The following ADAM19 variants were observed in gnomAD, a reference collection of about 807,000 sequenced individuals.
The protein encoded by ADAM19 is ADAM metallopeptidase domain 19, also known as disintegrin and metalloproteinase domain-containing protein 19.
ADAM19 carries 65 observed loss-of-function variants against 114.7 expected under a neutral mutation model. That is an observed-to-expected ratio of 0.57 (90% CI 0.46 to 0.70). The LOEUF (loss-of-function observed/expected upper bound fraction) is 0.70. Among genes scored for constraint, ADAM19 ranks in the 30% least tolerant of loss-of-function variants. The pLI, the probability that ADAM19 is intolerant of heterozygous loss-of-function variation, is 0.00. For missense variants in ADAM19, 1,063 were observed against 1,204.7 expected (o/e 0.88, Z 1.74); for synonymous variants, 466 against 460.5 (o/e 1.01, Z -0.15).
Position 157,563,441 on chromosome 5 carries a change from G to C in ADAM19, c.251+932C>G, listed in dbSNP as rs142103443. On this transcript the variant is annotated intron_variant, in intron 3 of 22. Transcript: ENST00000257527. ...TCTCCCTTTCCACCCAAGCCTAAAA[G>C]CTATTCCCATCCTTTTGTATACAGG... Among the ~76,000 whole-genome samples, 3 of 152,276 alleles carry C rather than the reference G, an allele frequency of 2.0e-5. No individual in the cohort carries two copies. In the East Asian group the frequency reaches 5.8e-4, roughly 29 times the overall value.
At chr5:157,499,808 G>A (rs1178358830) in intron 12 of ADAM19, 146 bp from the exon 13 acceptor site, 7 of 593,028 alleles carry the variant, frequency 1.2e-5, no homozygotes, top group African/African-American at 4.3e-5. Context: ...AGGGAGTCTC[G>A]ATCTGTCACC....
At chr5:157,514,914 T>C (rs1310804441) in intron 7 of ADAM19, among the ~76,000 whole-genome samples, 1 of 152,230 alleles carries the variant, frequency 6.6e-6, no homozygotes, top group African/African-American at 2.4e-5. Context: ...GTACCCACTA[T>C]ACATGTTATT....
chr5:157,546,754 T>C (rs1422564539), intron 3 of ADAM19, among the ~76,000 whole-genome samples: 2 of 152,176 alleles, frequency 1.3e-5, no homozygotes, highest in Non-Finnish European at 2.9e-5. Context: ...CTGCCAGTTT[T>C]CTGCAAGGAG....
At chr5:157,523,495 T>C (rs939066037) in intron 5 of ADAM19, among the ~76,000 whole-genome samples, 1 of 151,704 alleles carries the variant, frequency 6.6e-6, no homozygotes, top group African/African-American at 2.4e-5. Flanking sequence ...CCCATGAGAG[T>C]TTCCTCAAGA....
At chr5:157,505,923 G>A (rs1755728325) in intron 10 of ADAM19, 115 bp from the exon 11 acceptor site, 8 of 1,202,156 alleles carry the variant, frequency 6.7e-6, no homozygotes, top group Non-Finnish European at 9.3e-6. Flanking sequence ...CACTGTCACT[G>A]AGCATACAGA....
intron 3 of ADAM19, among the ~76,000 whole-genome samples, chr5:157,561,517 A>G (rs1396120368): frequency 6.6e-6 from 1 of 152,186 alleles, no homozygotes; most frequent in Non-Finnish European, 1.5e-5. Context: ...AGACCTGAGA[A>G]TCCAGTGTAT....
intron 21 of ADAM19, among the ~76,000 whole-genome samples, chr5:157,486,236 G>A (rs549920678): frequency 6.6e-6 from 1 of 152,276 alleles, no homozygotes; most frequent in East Asian, 1.9e-4. Flanking sequence ...ATCCTATGAG[G>A]CCTGGCAACC....
chr5:157,562,267 G>A (rs1757529656), intron 3 of ADAM19, among the ~76,000 whole-genome samples: 1 of 152,186 alleles, frequency 6.6e-6, no homozygotes, highest in Non-Finnish European at 1.5e-5. Flanking sequence ...ATATTGCTTG[G>A]CTCTGCTGCT....
chr5:157,481,728 A>G, intron 22 of ADAM19, 63 bp downstream of exon 22: 1 of 1,552,016 alleles, frequency 6.4e-7, no homozygotes. Flanking sequence ...TCTCAACTCT[A>G]CACCTGCCCC....
rs1435172822 is a variant in ADAM19, at chr5:157,502,663, T to G, written c.1308+140A>C. ...TCCAACTGGAAGGCTTCTTCATATC[T>G]GATTTTTCATGGGGTATTGGACAGT... On this transcript the variant is annotated intron_variant, in intron 12 of 22. Coordinates refer to ENST00000257527, the MANE Select transcript of ADAM19 (RefSeq NM_033274.5). 2.2e-5 allele frequency: 20 copies of G among 920,746 alleles called. No homozygotes were observed. The South Asian group carries it at 3.0e-4, about 14-fold the overall frequency. The allele number at this position is 920,746 out of a possible 1,614,324, so 57.0% of individuals were successfully genotyped here.
intron 4 of ADAM19, among the ~76,000 whole-genome samples, 191 bp from the exon 5 acceptor site, chr5:157,531,074 C>T (rs1237935565): frequency 6.6e-6 from 1 of 152,164 alleles, no homozygotes; most frequent in African/African-American, 2.4e-5. Flanking sequence ...GGAGACGGGG[C>T]AGGGAAGATG....
chr5:157,497,001 G>A lies in ADAM19; in HGVS notation c.1487C>T (p.Thr496Ile). The stretch of plus-strand genomic sequence containing the variant: ...GGTACCATCCATCTGGTAGAAGTTG[G>A]TAGGGCAGTGGGGAGACTTGCCCGT... ...FCTGKSPHCPTNFYQMDGTPC... is the reference protein window; with the variant it reads ...FCTGKSPHCPINFYQMDGTPC... Residue 496 changes from threonine to isoleucine, a missense_variant, in exon 14 of 23, where the codon ACC becomes ATC. This residue lies in a region of ADAM19 where 615 missense variants were observed against 706.3 expected (regional missense o/e 0.87). Transcript: ENST00000257527. 3 of 1,597,772 alleles carry A rather than the reference G, an allele frequency of 1.9e-6. No individual in the cohort carries two copies. Among genetic ancestry groups the A allele is most frequent in the Non-Finnish European group, 2.6e-6 (3 of 1,173,096 alleles).
At chr5:157,549,808 A>T (rs1384902939) in intron 3 of ADAM19, among the ~76,000 whole-genome samples, 3 of 152,206 alleles carry the variant, frequency 2.0e-5, no homozygotes, top group African/African-American at 7.2e-5. Context: ...TATCCCCTGA[A>T]ATCAAACTTG....
At chr5:157,567,743 G>A (rs1349095225) in intron 2 of ADAM19, among the ~76,000 whole-genome samples, 4 of 151,764 alleles carry the variant, frequency 2.6e-5, no homozygotes, top group Admixed American at 2.6e-4. Context: ...GTTGCGGTAA[G>A]CTGAGATCAC....
At chr5:157,497,517 AGAC>A (rs1027819194) in intron 13 of ADAM19, among the ~76,000 whole-genome samples, 1 of 152,112 alleles carries the variant, frequency 6.6e-6, no homozygotes, top group African/African-American at 2.4e-5. Flanking sequence ...TAAAGAGGTT[AGAC>A]GATGCATCCA....
chr5:157,480,672 G>T lies in ADAM19; in HGVS notation c.*277C>A. 1 of 1,246,510 alleles carries T rather than the reference G, an allele frequency of 8.0e-7. No individual in the cohort carries two copies. Among genetic ancestry groups the T allele is most frequent in the East Asian group, 3.9e-5 (1 of 25,780 alleles). 77.2% of individuals were successfully genotyped at this position (1,246,510 alleles called of 1,614,324 possible). A position where few individuals can be genotyped will look rare whatever the true frequency, so the allele number is the denominator to read the frequency against. On this transcript the variant is annotated 3_prime_UTR_variant, in exon 23 of 23. Transcript: ENST00000257527. ...TCGGGGCTAGGAGTCTGGAGGAGAA[G>T]CTGCCAGTCACCCTCCTCATACTCT...
chr5:157,561,412 G>T (rs554109405), intron 3 of ADAM19, among the ~76,000 whole-genome samples: 1 of 152,170 alleles, frequency 6.6e-6, no homozygotes, highest in Non-Finnish European at 1.5e-5. Flanking sequence ...GATTTGATGG[G>T]AGAAGGCCAG....
chr5:157,519,915 C>T lies in ADAM19; in HGVS notation c.524G>A (p.Gly175Glu), dbSNP rs776683806. ...GGTGGTGGGCTTGGAGTGCTCGAAC[C>T]CACAGTTTCCCGGGGGCGGCTTGAG... is the stretch of plus-strand genomic sequence containing the variant. ...EHLKPPPGNC[G>E]FEHSKPTTRD... The change falls in exon 6 of 23, where the codon GGG becomes GAG. Residue 175 changes from glycine (G) to glutamate (E), a missense_variant. Transcript: ENST00000257527. The T allele has an allele frequency of 1.9e-6, 3 of 1,614,052 alleles. No individual in the cohort carries two copies. Among genetic ancestry groups the T allele is most frequent in the Non-Finnish European group, 2.5e-6 (3 of 1,180,012 alleles).
Position 157,564,381 on chromosome 5 carries a change from C to T in ADAM19, c.243G>A (p.Glu81=). ...AGGAGGAGTCCACTTACTCATTCTT[C>T]TCCAGGTCCAGGATCAGTTCTCGCC... ...AEGRELILDL[E]KNEQLFAPSY... is the part of the protein sequence containing the mutation. Residue 81 remains glutamate (E), a synonymous_variant, in exon 3 of 23, where the codon GAG becomes GAA. Coordinates refer to ENST00000257527, the MANE Select transcript of ADAM19 (RefSeq NM_033274.5). 6.2e-7 allele frequency: 1 copy of T among 1,614,148 alleles called. No homozygotes were observed. Among genetic ancestry groups the T allele is most frequent in the African/African-American group, 1.3e-5 (1 of 75,056 alleles).
Sources: allele counts gnomAD v4.1 joint callset (sites outside exome capture counted in the v4.1 genomes callset), GRCh38; gene constraint gnomAD v4.1.1; regional missense constraint gnomAD v4.1.1; transcripts MANE v1.5; gene names NCBI Gene and HGNC (gene_info 2026-07-23, HGNC 2026-07-21).